Variants in MAGI1 observed in about 807,000 individuals in gnomAD.
MAGI1 encodes membrane associated guanylate kinase, WW and PDZ domain containing 1.
Under a neutral mutation model 139.9 loss-of-function variants are expected in MAGI1, and 58 were observed. The ratio of observed to expected loss-of-function variants is 0.41; its 90% confidence interval spans 0.34 to 0.52. The LOEUF is 0.52. Among genes scored for constraint, MAGI1 ranks in the 20% least tolerant of loss-of-function variants. The probability of loss-of-function intolerance (pLI) is 0.12; values close to 1 mark genes in which losing one functional copy is unlikely to be tolerated. For missense variants in MAGI1, 1,874 were observed against 1,901.6 expected (o/e 0.99, Z 0.27); for synonymous variants, 812 against 737.9 (o/e 1.10, Z -1.63).
chr3:65,959,965 C>T (rs2064343838), intron 1 of MAGI1, among the ~76,000 whole-genome samples: 1 of 151,266 alleles, frequency 6.6e-6, no homozygotes, highest in Admixed American at 6.6e-5. Context: ...GCCATCACGC[C>T]CAGCTAATTT....
At chr3:65,370,435 TA>T (rs2106798228) in intron 18 of MAGI1, among the ~76,000 whole-genome samples, 1 of 152,350 alleles carries the variant, frequency 6.6e-6, no homozygotes, top group African/African-American at 2.4e-5. Context: ...TGTATTGCCT[TA>T]AAAAATATCA....
At chr3:65,509,710 G>T (rs1355534606) in intron 2 of MAGI1, among the ~76,000 whole-genome samples, 3 of 152,058 alleles carry the variant, frequency 2.0e-5, no homozygotes, top group Non-Finnish European at 2.9e-5. Flanking sequence ...ACTGCAAGGC[G>T]GCAACGAGGC....
intron 1 of MAGI1, among the ~76,000 whole-genome samples, chr3:65,816,282 C>CAA (rs548772149): frequency 2.1e-5 from 3 of 142,366 alleles, no homozygotes; most frequent in Admixed American, 1.4e-4. Context: ...CAGGACTATC[C>CAA]AAAAAAAAAA....
chr3:65,669,042 A>G (rs997795320), intron 1 of MAGI1, among the ~76,000 whole-genome samples: 1 of 151,770 alleles, frequency 6.6e-6, no homozygotes, highest in African/African-American at 2.4e-5. Flanking sequence ...GGTTCAAGCA[A>G]TTCTCTACCT....
intron 2 of MAGI1, among the ~76,000 whole-genome samples, chr3:65,587,799 G>C (rs1011465431): frequency 6.6e-6 from 1 of 152,066 alleles, no homozygotes; most frequent in South Asian, 2.1e-4. Context: ...CCATTTTAAA[G>C]TTGAGAGATT....
intron 1 of MAGI1, among the ~76,000 whole-genome samples, chr3:65,818,359 C>T (rs558760711): frequency 1.2e-4 from 18 of 152,246 alleles, no homozygotes; most frequent in African/African-American, 4.3e-4. Context: ...TGGTAAGTTT[C>T]CTGGTCTGAT....
intron 1 of MAGI1, among the ~76,000 whole-genome samples, chr3:65,719,156 TAC>T (rs2032674278): frequency 6.6e-6 from 1 of 151,262 alleles, no homozygotes; most frequent in South Asian, 2.1e-4. Context: ...GACAGATAAA[TAC>T]AAAGAGATCC....
At chr3:65,457,856 C>T (rs1016904520) in intron 5 of MAGI1, among the ~76,000 whole-genome samples, 4 of 152,078 alleles carry the variant, frequency 2.6e-5, no homozygotes, top group African/African-American at 4.8e-5. Flanking sequence ...TTATTGACTA[C>T]AGTCACCCTG....
chr3:65,910,462 C>T (rs2061609058), intron 1 of MAGI1, among the ~76,000 whole-genome samples: 1 of 152,116 alleles, frequency 6.6e-6, no homozygotes, highest in African/African-American at 2.4e-5. Context: ...CACTGAAAAA[C>T]AACCAATAAA....
At chr3:65,388,992 C>T (rs549763739) in intron 14 of MAGI1, among the ~76,000 whole-genome samples, 53 of 151,736 alleles carry the variant, frequency 3.5e-4, no homozygotes, top group Admixed American at 2.0e-3. Flanking sequence ...TACAGGCGCA[C>T]GCCACCACAC....
At chr3:65,610,757 A>AC (rs375645304) in intron 2 of MAGI1, among the ~76,000 whole-genome samples, 1 of 37,960 alleles carries the variant, frequency 2.6e-5, no homozygotes, top group African/African-American at 8.2e-5. Flanking sequence ...TATACAGTAT[A>AC]TATATAGCAT....
chr3:65,380,900 A>G (rs975139913), intron 16 of MAGI1: 1 of 152,082 alleles, frequency 6.6e-6, no homozygotes, highest in Non-Finnish European at 1.5e-5. Flanking sequence ...ATAATTAATC[A>G]TATACCATTT....
intron 1 of MAGI1, among the ~76,000 whole-genome samples, chr3:65,982,154 C>T (rs552194967): frequency 1.3e-5 from 2 of 152,336 alleles, no homozygotes; most frequent in South Asian, 4.1e-4. Context: ...TTTACTCTAA[C>T]AAGTGCCTGC....
intron 2 of MAGI1, among the ~76,000 whole-genome samples, chr3:65,540,336 C>T (rs1355464135): frequency 6.6e-6 from 1 of 152,120 alleles, no homozygotes; most frequent in African/African-American, 2.4e-5. Context: ...TACATAACAG[C>T]ATATATCACT....
At chr3:65,737,347 G>A (rs991432935) in intron 1 of MAGI1, among the ~76,000 whole-genome samples, 8 of 152,190 alleles carry the variant, frequency 5.3e-5, no homozygotes, top group Admixed American at 2.6e-4. Flanking sequence ...ACAGATGGAC[G>A]GACGGGTGGA....
At chr3:65,531,746 A>G (rs148940524) in intron 2 of MAGI1, among the ~76,000 whole-genome samples, 2 of 152,300 alleles carry the variant, frequency 1.3e-5, no homozygotes, top group East Asian at 3.9e-4. Flanking sequence ...GTTTCCAGCT[A>G]AGTGACCTCA....
intron 1 of MAGI1, among the ~76,000 whole-genome samples, chr3:65,910,835 C>T (rs191210800): frequency 2.4e-4 from 33 of 137,100 alleles, no homozygotes; most frequent in Admixed American, 9.9e-4. Flanking sequence ...TACCTTGAGG[C>T]CTCTTTCAGA....
In MAGI1 at chr3:65,355,496, T is replaced by TC; in HGVS notation, c.*881dup. 1 of 152,330 alleles carries TC rather than the reference T, an allele frequency of 6.6e-6. No individual in the cohort carries two copies. The allele number at this position is 152,330 out of a possible 1,614,324, so 9.4% of individuals were successfully genotyped here. A position where few individuals can be genotyped will look rare whatever the true frequency, so the allele number is the denominator to read the frequency against. On this transcript the variant is annotated 3_prime_UTR_variant, in exon 23 of 23. Transcript: ENST00000402939. ...CGTCTTCCTCACACCAGGCACACTG[T>TC]CCCCCCATTCCATCTACTATTCAGC...
intron 2 of MAGI1, among the ~76,000 whole-genome samples, chr3:65,552,300 A>G (rs2079879199): frequency 2.0e-5 from 3 of 150,522 alleles, no homozygotes; most frequent in Admixed American, 2.0e-4. Context: ...CCCCATTCCA[A>G]TTTCCCAACA....
Sources: allele counts gnomAD v4.1 joint callset (sites outside exome capture counted in the v4.1 genomes callset), GRCh38; gene constraint gnomAD v4.1.1; transcripts MANE v1.5; gene names NCBI Gene and HGNC (gene_info 2026-07-23, HGNC 2026-07-21).